Variants in UBOX5 observed in about 807,000 individuals in gnomAD.
UBOX5 encodes U-box domain containing 5, also known as RING finger protein 37.
A neutral mutation model predicts 39.0 loss-of-function variants in UBOX5; 28 were observed. The observed-to-expected ratio is 0.72, with a 90% CI of 0.53 to 0.98. The LOEUF is 0.98. Ranked by LOEUF, UBOX5 falls within the 50% of genes least tolerant of loss-of-function variation. The pLI is 0.00. For synonymous variants in UBOX5, 283 were observed against 275.5 expected (o/e 1.03, Z -0.27); for missense variants, 585 against 674.4 (o/e 0.87, Z 1.47).
Position 3,122,070 on chromosome 20 carries a change from C to A in UBOX5, c.569G>T (p.Arg190Leu), listed in dbSNP as rs139291959. Residue 190 changes from arginine (R) to leucine (L), a missense_variant, in exon 3 of 5, where the codon CGG becomes CTG. Arg to Leu is a moderately radical substitution (Grantham distance 102). Coordinates refer to ENST00000217173, the MANE Select transcript of UBOX5 (RefSeq NM_014948.4). ...GGCCGGCTGACCCCACACTTCCAAC[C>A]GCTTGATACAAGGGATACCGCCGCC... ...VTGGGIPCIK[R>L]LEVWGQPAKT... 1.4e-5 allele frequency: 22 copies of A among 1,614,114 alleles called. No individual in the cohort carries two copies. The highest frequency in any genetic ancestry group is 1.6e-5 in the Non-Finnish European group (19 of 1,180,048).
At chr20:3,147,472 A>G in intron 1 of UBOX5, 1 of 1,614,190 alleles carries the variant, frequency 6.2e-7, no homozygotes, top group Non-Finnish European at 8.5e-7. Context: ...GGTGAGTACT[A>G]AGACGATTGC....
At chr20:3,125,884 G>T (rs150715438) in intron 1 of UBOX5, among the ~76,000 whole-genome samples, 2 of 146,330 alleles carry the variant, frequency 1.4e-5, no homozygotes, top group East Asian at 4.2e-4. Context: ...CCGCCACCCC[G>T]TCTGGGAAGT....
rs141492603 is a variant in UBOX5, at chr20:3,121,964, A to C, written c.675T>G (p.Ala225=). The change falls in exon 3 of 5, where the codon GCT becomes GCG. Residue 225 remains alanine, a synonymous_variant. Transcript: ENST00000217173. ...AGTCACTTTCCATGGGCAAGGCTGG[A>C]GCCTGCAGAGCCACATCCTGAGGCA... ...ENLPQDVALQ[A]PALPMESDCD... 4 of 1,613,842 alleles carry C rather than the reference A, an allele frequency of 2.5e-6. No individual in the cohort carries two copies. In the African/African-American group the frequency reaches 5.3e-5, roughly 22 times the overall value.
At chr20:3,142,603 C>CAA (rs899893927) in intron 1 of UBOX5, among the ~76,000 whole-genome samples, 45 of 50,786 alleles carry the variant, frequency 8.9e-4, no homozygotes, top group Admixed American at 1.8e-3. Flanking sequence ...GACTCCGTCT[C>CAA]AAAAAAAAAA....
At chr20:3,154,403 A>G (rs569537908) in intron 1 of UBOX5, among the ~76,000 whole-genome samples, 1 of 152,390 alleles carries the variant, frequency 6.6e-6, no homozygotes, top group South Asian at 2.1e-4. Context: ...TACCACAGGC[A>G]GGATGCAATG....
chr20:3,147,259 A>G (rs995071327), intron 1 of UBOX5: 2 of 1,614,224 alleles, frequency 1.2e-6, no homozygotes, highest in Non-Finnish European at 1.7e-6. Context: ...TGGCTTCTCT[A>G]TTAAATGGTA....
chr20:3,123,249 G>T, intron 2 of UBOX5, 63 bp downstream of exon 2: 1 of 1,538,188 alleles, frequency 6.5e-7, no homozygotes, highest in South Asian at 1.1e-5. Flanking sequence ...ACACAAGGCA[G>T]GAAATGATGA....
chr20:3,148,739 G>T (rs1326622332), intron 1 of UBOX5: 7 of 1,614,180 alleles, frequency 4.3e-6, no homozygotes, highest in Non-Finnish European at 5.9e-6. Context: ...GTTTTCAAAG[G>T]AATCAAACAC....
At chr20:3,134,904 CAG>C (rs1476009607) in intron 1 of UBOX5, among the ~76,000 whole-genome samples, 2 of 151,652 alleles carry the variant, frequency 1.3e-5, no homozygotes, top group Non-Finnish European at 2.9e-5. Flanking sequence ...ATAAAGGTAA[CAG>C]AGCATTCTGC....
chr20:3,111,013 GCC>G (rs1306113441), intron 4 of UBOX5, among the ~76,000 whole-genome samples: 1 of 152,128 alleles, frequency 6.6e-6, no homozygotes, highest in Non-Finnish European at 1.5e-5. Flanking sequence ...GCTACTGGCA[GCC>G]CTGCTCCTGA....
At chr20:3,118,301 A>G (rs2066309042) in intron 3 of UBOX5, among the ~76,000 whole-genome samples, 1 of 151,892 alleles carries the variant, frequency 6.6e-6, no homozygotes, top group African/African-American at 2.4e-5. Context: ...GACAAAACCC[A>G]GTCTATACTA....
rs112080146 is a variant in UBOX5 at position 3,114,720 on chromosome 20, C to T, written c.1417+585G>A. On this transcript the variant is annotated intron_variant, in intron 4 of 4. Transcript: ENST00000217173. ...ATCTCAGCGCTTTGCGAGGCCGAGG[C>T]GGGCGGATCACGAGGTCGGGAGTTC... Among the ~76,000 whole-genome samples, 1,182 of 152,240 alleles carry T rather than the reference C, an allele frequency of 7.8e-3. 18 individuals are homozygous for T. Among genetic ancestry groups the T allele is most frequent in the African/African-American group, 0.027 (1,111 of 41,554 alleles).
chr20:3,148,779 C>T, intron 1 of UBOX5: 1 of 1,614,218 alleles, frequency 6.2e-7, no homozygotes, highest in Non-Finnish European at 8.5e-7. Flanking sequence ...ACTCCTGTGG[C>T]CCTGGGTGAG....
At chr20:3,133,939 T>C (rs957173003) in intron 1 of UBOX5, among the ~76,000 whole-genome samples, 13 of 151,852 alleles carry the variant, frequency 8.6e-5, no homozygotes, top group South Asian at 2.1e-4. Flanking sequence ...GTTTTTTGGG[T>C]AGAGATGGGG....
intron 1 of UBOX5, among the ~76,000 whole-genome samples, chr20:3,133,001 G>C (rs1303505436): frequency 6.6e-6 from 1 of 151,742 alleles, no homozygotes; most frequent in Non-Finnish European, 1.5e-5. Flanking sequence ...AGAATGATTG[G>C]GGGAAAAAGT....
intron 1 of UBOX5, among the ~76,000 whole-genome samples, chr20:3,132,311 A>G (rs559861510): frequency 2.0e-5 from 3 of 152,300 alleles, no homozygotes; most frequent in Non-Finnish European, 4.4e-5. Flanking sequence ...CCCTGTCTCA[A>G]AACAAAACAG....
intron 4 of UBOX5, among the ~76,000 whole-genome samples, chr20:3,113,357 G>A (rs2066269457): frequency 6.6e-6 from 1 of 151,882 alleles, no homozygotes; most frequent in Non-Finnish European, 1.5e-5. Context: ...CTGCAGAGGA[G>A]GAGACATGGG....
chr20:3,144,855 C>A (rs746079158), intron 1 of UBOX5, among the ~76,000 whole-genome samples: 1 of 152,174 alleles, frequency 6.6e-6, no homozygotes, highest in Admixed American at 6.5e-5. Context: ...ACCATTCTGC[C>A]TAAGCGTCAG....
chr20:3,141,586 T>C (rs1479776173), intron 1 of UBOX5, among the ~76,000 whole-genome samples: 2 of 151,978 alleles, frequency 1.3e-5, no homozygotes, highest in African/African-American at 2.4e-5. Flanking sequence ...GCGGAGGTTG[T>C]GGTTAGCCGA....
Sources: gnomAD v4.1 joint callset for allele counts (sites outside exome capture counted in the v4.1 genomes callset) on GRCh38, gnomAD v4.1.1 for gene constraint, MANE v1.5 for transcripts, NCBI Gene and HGNC (gene_info 2026-07-23, HGNC 2026-07-21) for gene names.